The following FAM107A variants were observed in gnomAD, a reference collection of about 807,000 sequenced individuals.
The protein encoded by FAM107A is family with sequence similarity 107 member A, also known as actin-associated protein FAM107A.
FAM107A carries 19 observed loss-of-function variants against 13.7 expected under a neutral mutation model. The observed-to-expected ratio is 1.38, with a 90% CI of 0.97 to 2.03. The LOEUF is 2.03. Ranked by LOEUF, FAM107A falls within the 30% of genes most tolerant of loss-of-function variation. The pLI, the probability that FAM107A is intolerant of heterozygous loss-of-function variation, is 0.00. For synonymous variants in FAM107A, 82 were observed against 74.5 expected (o/e 1.10, Z -0.52); for missense variants, 203 against 184.4 (o/e 1.10, Z -0.58).
At chr3:58,610,456 T>G (rs565255844) in intron 1 of FAM107A, among the ~76,000 whole-genome samples, 1 of 152,304 alleles carries the variant, frequency 6.6e-6, no homozygotes, top group East Asian at 1.9e-4. Flanking sequence ...ATCCTGGATT[T>G]GCTGAGGGAT....
intron 1 of FAM107A, chr3:58,570,187 G>A (rs146912470): frequency 5.1e-5 from 13 of 252,626 alleles, no homozygotes; most frequent in East Asian, 3.7e-4. Flanking sequence ...AACAGTTTTC[G>A]CCCACTATAA....
chr3:58,595,221 TCAC>T (rs1200081662), intron 1 of FAM107A, among the ~76,000 whole-genome samples: 22 of 152,084 alleles, frequency 1.4e-4, no homozygotes, highest in African/African-American at 5.3e-4. Context: ...CCCCAACCCT[TCAC>T]CACCATTTTG....
intron 1 of FAM107A, among the ~76,000 whole-genome samples, chr3:58,624,792 G>A (rs2106646322): frequency 6.6e-6 from 1 of 152,264 alleles, no homozygotes; most frequent in Admixed American, 6.5e-5. Flanking sequence ...CCTGGCCCAG[G>A]GGTCATGTGC....
intron 1 of FAM107A, chr3:58,607,079 G>A (rs1337044703): frequency 6.6e-6 from 1 of 152,090 alleles, no homozygotes; most frequent in African/African-American, 2.4e-5. Flanking sequence ...CTTAACCCAG[G>A]GCTCCTGCAA....
intron 1 of FAM107A, among the ~76,000 whole-genome samples, chr3:58,619,652 G>T (rs1478892192): frequency 6.6e-6 from 1 of 152,196 alleles, no homozygotes; most frequent in Non-Finnish European, 1.5e-5. Flanking sequence ...ATAGTACCCA[G>T]CACCTGCTCT....
At chr3:58,612,643 A>G (rs78302832) in intron 1 of FAM107A, among the ~76,000 whole-genome samples, 7,503 of 152,030 alleles carry the variant, frequency 0.049, 254 homozygotes, top group Middle Eastern at 0.075. Context: ...GACTCATGCC[A>G]CAGTGTCACA....
rs186710208 is a variant in FAM107A at position 58,617,869 on chromosome 3, C to T, written c.-70+9547G>A. Among the ~76,000 whole-genome samples, 122 of 152,276 alleles carry T rather than the reference C, an allele frequency of 8.0e-4. No homozygotes were observed. Among genetic ancestry groups the T allele is most frequent in the Admixed American group, 1.8e-3 (28 of 15,296 alleles). Reference sequence around the variant, plus strand: ...CCTGATGCTTGAAAAACAAGATGAACAGCTTCAATCCTGACGCTTGAAAAA... The same window carrying T: ...CCTGATGCTTGAAAAACAAGATGAATAGCTTCAATCCTGACGCTTGAAAAA... On this transcript the variant is annotated intron_variant, in intron 1 of 3. Coordinates refer to the FAM107A transcript ENST00000465970. The surrounding 1 kb of genome is among the most constrained non-coding windows in gnomAD (Gnocchi z 4.5).
chr3:58,627,093 G>T, intron 1 of FAM107A: 1 of 1,205,608 alleles, frequency 8.3e-7, no homozygotes, highest in East Asian at 2.5e-5. Flanking sequence ...AGGGGCTCCC[G>T]GGGCGAGGGC....
chr3:58,586,828 C>T (rs1254132629), intron 1 of FAM107A: 2 of 1,517,470 alleles, frequency 1.3e-6, no homozygotes, highest in Non-Finnish European at 1.8e-6. Context: ...GCCCACTTCC[C>T]GCGGCGAGGG....
upstream of FAM107A, among the ~76,000 whole-genome samples, chr3:58,578,276 T>C (rs1230977387): frequency 1.3e-5 from 2 of 152,046 alleles, no homozygotes; most frequent in African/African-American, 4.8e-5. Flanking sequence ...GAATGTAAAA[T>C]ATAAAAGTAG....
At chr3:58,625,208 G>A (rs968897911) in intron 1 of FAM107A, among the ~76,000 whole-genome samples, 7 of 151,862 alleles carry the variant, frequency 4.6e-5, no homozygotes, top group Admixed American at 1.3e-4. Context: ...CTTGAAAACC[G>A]GGTTTCTGGC....
intron 1 of FAM107A, among the ~76,000 whole-genome samples, chr3:58,585,331 T>C (rs2065593485): frequency 6.6e-6 from 1 of 152,208 alleles, no homozygotes; most frequent in Non-Finnish European, 1.5e-5. Flanking sequence ...CAGATTCGTC[T>C]GATGATAAAG....
At chr3:58,615,874 G>C (rs954908922) in intron 1 of FAM107A, among the ~76,000 whole-genome samples, 1 of 142,298 alleles carries the variant, frequency 7.0e-6, no homozygotes, top group East Asian at 2.1e-4. Flanking sequence ...ACTCCAGCCT[G>C]GGTGACAGAG....
chr3:58,571,060 C>A (rs2063678716), intron 1 of FAM107A, among the ~76,000 whole-genome samples: 1 of 152,202 alleles, frequency 6.6e-6, no homozygotes, highest in Non-Finnish European at 1.5e-5. Flanking sequence ...TGCCCAAATG[C>A]AGTTTCATGG....
At chr3:58,583,235 C>G (rs1157757091) in intron 1 of FAM107A, among the ~76,000 whole-genome samples, 1 of 152,208 alleles carries the variant, frequency 6.6e-6, no homozygotes, top group Admixed American at 6.5e-5. Flanking sequence ...TATGTGTGGC[C>G]GCCCGTGGTT....
intron 1 of FAM107A, chr3:58,572,874 G>C (rs910499297): frequency 1.3e-5 from 2 of 152,154 alleles, no homozygotes; most frequent in African/African-American, 4.8e-5. Flanking sequence ...TTGGAAGAGG[G>C]GCCCTGTTTG....
intron 1 of FAM107A, among the ~76,000 whole-genome samples, chr3:58,620,424 T>C (rs2065943218): frequency 6.6e-6 from 1 of 152,226 alleles, no homozygotes; most frequent in African/African-American, 2.4e-5. Context: ...TGTCCACTTA[T>C]CTAAGCCCCT....
chr3:58,566,661 G>A lies in FAM107A; in HGVS notation c.362C>T (p.Ala121Val), dbSNP rs571099359. Reference sequence around the variant, plus strand: ...TTCCCTGACTTTAATAAACTCGGGGGCGTGATCCTCTTCCTTCTCTGGTGG... The same window carrying A: ...TTCCCTGACTTTAATAAACTCGGGGACGTGATCCTCTTCCTTCTCTGGTGG... ...EKPPEKEEDH[A>V]PEFIKVRENL... The change falls in exon 4 of 4, where the codon GCC becomes GTC. Residue 121 changes from alanine to valine, a missense_variant. Transcript: ENST00000360997. 1.9e-5 allele frequency: 31 copies of A among 1,614,020 alleles called. No homozygotes were observed. In the East Asian group the frequency reaches 3.6e-4, roughly 19 times the overall value.
rs573172889 is a variant in FAM107A at position 58,604,178 on chromosome 3, G to C, written c.-69-14909C>G. ...AAAGGTCCCTGAAGATTGTACTCTC[G>C]GTGGAGCTGGTTGCTAGGAGACATT... is the stretch of plus-strand genomic sequence containing the variant. On this transcript the variant is annotated intron_variant, in intron 1 of 3. Transcript: ENST00000465970. The surrounding 1 kb of genome is among the most constrained non-coding windows in gnomAD (Gnocchi z 4.1). 6.6e-6 allele frequency among the ~76,000 whole-genome samples: 1 copy of C among 152,048 alleles called. No homozygotes were observed. The highest frequency in any genetic ancestry group is 1.5e-5 in the Non-Finnish European group (1 of 68,000).
Sources: allele counts gnomAD v4.1 joint callset (sites outside exome capture counted in the v4.1 genomes callset), GRCh38; gene constraint gnomAD v4.1.1; non-coding constraint Gnocchi (gnomAD v3.1); transcripts MANE v1.5; gene names NCBI Gene and HGNC (gene_info 2026-07-23, HGNC 2026-07-21).